The following LAMA1 variants were observed in gnomAD, a reference collection of about 807,000 sequenced individuals.
LAMA1 encodes the protein laminin subunit alpha 1, also known as laminin subunit alpha-1.
In LAMA1, 219 loss-of-function variants were observed where a neutral mutation model predicts 348.7. That is an observed-to-expected ratio of 0.63 (90% CI 0.56 to 0.70). LAMA1 has a LOEUF of 0.70. Among genes scored for constraint, LAMA1 ranks in the 30% least tolerant of loss-of-function variants. The pLI, the probability that LAMA1 is intolerant of heterozygous loss-of-function variation, is 0.00. For missense variants in LAMA1, 3,744 were observed against 3,888.0 expected, an observed-to-expected ratio of 0.96 and a Z score of 0.99; for synonymous variants, 1,487 against 1,491.0, an observed-to-expected ratio of 1.00 and a Z score of 0.06.
chr18:7,079,159 T>G (rs2058182877), intron 3 of LAMA1, among the ~76,000 whole-genome samples: 1 of 152,190 alleles, frequency 6.6e-6, no homozygotes. Flanking sequence ...ACATGAAACT[T>G]ATGAGTTCTA....
chr18:7,032,046 A>C lies in LAMA1; in HGVS notation c.2274+20T>G. On this transcript the variant is annotated intron_variant, in intron 16 of 62. Transcript: ENST00000389658. ...TGAATTGAGGAGGAGAGGGCACCTG[A>C]ACTACAGTGAGAGACTCACAATGCA... is the stretch of plus-strand genomic sequence containing the variant. The C allele has an allele frequency of 6.2e-7, 1 of 1,602,218 alleles. No individual in the cohort carries two copies.
intron 57 of LAMA1, among the ~76,000 whole-genome samples, chr18:6,953,442 G>A (rs748501247): frequency 6.6e-5 from 10 of 152,158 alleles, no homozygotes; most frequent in Non-Finnish European, 1.0e-4. Context: ...CTTTATCATA[G>A]ATATGCATGC....
intron 17 of LAMA1, 130 bp from the exon 18 acceptor site, chr18:7,024,596 G>C: frequency 2.6e-6 from 2 of 760,400 alleles, no homozygotes; most frequent in Admixed American, 2.1e-5. Flanking sequence ...CTCAGAATCC[G>C]GGGCCTCTGG....
At chr18:7,092,826 T>A (rs1253530693) in intron 1 of LAMA1, among the ~76,000 whole-genome samples, 1 of 152,096 alleles carries the variant, frequency 6.6e-6, no homozygotes, top group Non-Finnish European at 1.5e-5. Context: ...TCATACATCA[T>A]AATACAGACT....
intron 32 of LAMA1, 51 bp downstream of exon 32, chr18:6,999,394 C>A: frequency 6.3e-7 from 1 of 1,589,760 alleles, no homozygotes; most frequent in South Asian, 1.1e-5. Context: ...TCTTTCCCGA[C>A]ACATTTGGGA....
chr18:7,050,978 C>T (rs1200223799), intron 3 of LAMA1, 42 bp from the exon 4 acceptor site: 31 of 1,610,006 alleles, frequency 1.9e-5, no homozygotes, highest in Non-Finnish European at 2.5e-5. Flanking sequence ...AGAATCAATA[C>T]AAGCCAGGCA....
chr18:7,019,185 G>A (rs191307866), intron 19 of LAMA1, among the ~76,000 whole-genome samples: 1 of 152,130 alleles, frequency 6.6e-6, no homozygotes, highest in East Asian at 1.9e-4. Flanking sequence ...TGCTGCAACT[G>A]TTCTCCCTAA....
intron 22 of LAMA1, among the ~76,000 whole-genome samples, chr18:7,014,960 C>G (rs1044888032): frequency 2.2e-4 from 33 of 152,102 alleles, no homozygotes; most frequent in Admixed American, 2.0e-3. Context: ...CGTTCTCCTG[C>G]CTCAGCCTCC....
intron 39 of LAMA1, among the ~76,000 whole-genome samples, chr18:6,983,631 A>T (rs1007486454): frequency 5.3e-5 from 8 of 152,224 alleles, no homozygotes; most frequent in Non-Finnish European, 1.2e-4. Context: ...GGTAACCTCC[A>T]AGAAGTGTTT....
At chr18:7,098,775 T>A (rs1278067445) in intron 1 of LAMA1, among the ~76,000 whole-genome samples, 5 of 126,346 alleles carry the variant, frequency 4.0e-5, no homozygotes, top group African/African-American at 1.5e-4. Context: ...GGGGCGCCTC[T>A]GCCCGGCCAC....
intron 3 of LAMA1, among the ~76,000 whole-genome samples, chr18:7,062,335 T>C (rs1174878334): frequency 6.6e-5 from 10 of 152,076 alleles, no homozygotes; most frequent in East Asian, 3.9e-4. Context: ...TCCAGGTAAC[T>C]GGAGCAAAGG....
intron 19 of LAMA1, among the ~76,000 whole-genome samples, chr18:7,017,634 G>A (rs183222032): frequency 1.3e-5 from 2 of 152,242 alleles, no homozygotes; most frequent in East Asian, 3.9e-4. Context: ...TAGCGAATTC[G>A]CTTCACCAAT....
chr18:7,021,092 T>A (rs1473310170), intron 19 of LAMA1, among the ~76,000 whole-genome samples: 1 of 152,182 alleles, frequency 6.6e-6, no homozygotes, highest in African/African-American at 2.4e-5. Flanking sequence ...GGGCAGGGCC[T>A]GCCTACTTGC....
At chr18:7,086,782 C>T (rs1486340445) in intron 1 of LAMA1, among the ~76,000 whole-genome samples, 2 of 152,146 alleles carry the variant, frequency 1.3e-5, no homozygotes, top group African/African-American at 4.8e-5. Context: ...AGCCTGCTGC[C>T]GACTCTGTGT....
At chr18:7,117,133 G>A (rs1304272782) in intron 1 of LAMA1, among the ~76,000 whole-genome samples, 1 of 152,178 alleles carries the variant, frequency 6.6e-6, no homozygotes, top group African/African-American at 2.4e-5. Flanking sequence ...CCACTAGCCC[G>A]CTTGGCTGCC....
At chr18:6,975,097 A>C in intron 45 of LAMA1, 61 bp from the exon 46 acceptor site, 1 of 1,572,690 alleles carries the variant, frequency 6.4e-7, no homozygotes, top group Non-Finnish European at 8.7e-7. Context: ...TGACCACCAC[A>C]ACACTTTACA....
chr18:7,105,446 AAATAAATAAAT>A (rs1674636424), intron 1 of LAMA1, among the ~76,000 whole-genome samples: 1 of 110,896 alleles, frequency 9.0e-6, no homozygotes, highest in East Asian at 2.7e-4. Flanking sequence ...CTCAAAAAAT[AAATAAATAAAT>A]AAATAAATAA....
chr18:6,951,075 T>C lies in LAMA1; in HGVS notation c.8208-104A>G, dbSNP rs991863616. ...ATTGTTTCAGCGTTTACATTGAACATCTCAGGAGAGAGGGGTATTCATTCC... is the reference window on the plus strand; with the variant it reads ...ATTGTTTCAGCGTTTACATTGAACACCTCAGGAGAGAGGGGTATTCATTCC... On this transcript the variant is annotated intron_variant, in intron 57 of 62. Coordinates refer to ENST00000389658, the MANE Select transcript of LAMA1 (RefSeq NM_005559.4). 6.0e-6 allele frequency: 6 copies of C among 997,316 alleles called. No homozygotes were observed. In the African/African-American group the frequency reaches 6.4e-5, roughly 11 times the overall value. 61.8% of individuals were successfully genotyped at this position (997,316 alleles called of 1,614,324 possible).
At chr18:7,062,575 A>G (rs991164727) in intron 3 of LAMA1, among the ~76,000 whole-genome samples, 2 of 152,188 alleles carry the variant, frequency 1.3e-5, no homozygotes, top group Non-Finnish European at 2.9e-5. Flanking sequence ...ATCATGAGAG[A>G]TGGTGGTGCT....
Sources: allele counts gnomAD v4.1 joint callset (sites outside exome capture counted in the v4.1 genomes callset), GRCh38; gene constraint gnomAD v4.1.1; transcripts MANE v1.5; gene names NCBI Gene and HGNC (gene_info 2026-07-23, HGNC 2026-07-21).